The following HADHB variants were observed in gnomAD, a reference collection of about 807,000 sequenced individuals.
HADHB encodes the protein trifunctional enzyme subunit beta, mitochondrial.
HADHB carries 50 observed loss-of-function variants against 61.9 expected under a neutral mutation model. That is an observed-to-expected ratio of 0.81 (90% CI 0.64 to 1.02). The LOEUF is 1.02. Among genes scored for constraint, HADHB ranks in the 50% least tolerant of loss-of-function variants. The probability of loss-of-function intolerance (pLI) is 0.00; values close to 1 mark genes in which losing one functional copy is unlikely to be tolerated. For missense variants in HADHB, 504 were observed against 586.5 expected, an observed-to-expected ratio of 0.86 and a Z score of 1.45; for synonymous variants, 191 against 201.6, an observed-to-expected ratio of 0.95 and a Z score of 0.45.
chr2:26,279,395 C>A, intron 9 of HADHB, 80 bp downstream of exon 9: 1 of 1,003,440 alleles, frequency 1.0e-6, no homozygotes, highest in Non-Finnish European at 1.6e-6. Flanking sequence ...AGTGATTTTT[C>A]CATAAGTATG....
chr2:26,277,722 G>T (rs1672608014), intron 7 of HADHB, among the ~76,000 whole-genome samples: 1 of 152,158 alleles, frequency 6.6e-6, no homozygotes, highest in Admixed American at 6.5e-5. Context: ...CTGCAGCAGG[G>T]ATTATCAACT....
intron 1 of HADHB, among the ~76,000 whole-genome samples, chr2:26,246,724 C>A (rs747339403): frequency 1.4e-4 from 21 of 152,298 alleles, no homozygotes; most frequent in Non-Finnish European, 2.8e-4. Flanking sequence ...TTAGATCACT[C>A]ATTTGGCTCC....
intron 3 of HADHB, among the ~76,000 whole-genome samples, chr2:26,259,853 G>A (rs1671787365): frequency 6.6e-6 from 1 of 152,046 alleles, no homozygotes; most frequent in South Asian, 2.1e-4. Context: ...GTAAGAATTC[G>A]ATGGGCAAAA....
intron 1 of HADHB, among the ~76,000 whole-genome samples, chr2:26,250,265 A>T (rs1558339349): frequency 6.6e-6 from 1 of 152,172 alleles, no homozygotes; most frequent in Non-Finnish European, 1.5e-5. Context: ...GGGCGTCCCA[A>T]AATGCTGGGA....
intron 8 of HADHB, 71 bp downstream of exon 8, chr2:26,278,872 A>G (rs752524069): frequency 6.4e-6 from 8 of 1,240,648 alleles, no homozygotes; most frequent in African/African-American, 1.5e-5. Flanking sequence ...GGACTCTGCT[A>G]TGCTGTAATA....
intron 15 of HADHB, 55 bp downstream of exon 15, chr2:26,285,626 T>C: frequency 2.1e-6 from 3 of 1,453,488 alleles, no homozygotes; most frequent in Non-Finnish European, 2.9e-6. Context: ...TTGGAATGAC[T>C]AGAATGTATG....
chr2:26,288,388 CT>C (rs1293552059), intron 15 of HADHB, among the ~76,000 whole-genome samples: 1 of 152,092 alleles, frequency 6.6e-6, no homozygotes, highest in Non-Finnish European at 1.5e-5. Context: ...TATCCCTGCT[CT>C]TTTTTTGTCT....
At chr2:26,259,655 A>C (rs1231385118) in intron 3 of HADHB, among the ~76,000 whole-genome samples, 1 of 152,216 alleles carries the variant, frequency 6.6e-6, no homozygotes, top group Non-Finnish European at 1.5e-5. Context: ...TCCTACATAT[A>C]ATAATGAATA....
At chr2:26,249,811 G>A (rs1671328077) in intron 1 of HADHB, among the ~76,000 whole-genome samples, 1 of 152,052 alleles carries the variant, frequency 6.6e-6, no homozygotes, top group Non-Finnish European at 1.5e-5. Flanking sequence ...TCAAGGCAAT[G>A]CCGTGCATGG....
Position 26,277,057 on chromosome 2 carries a change from A to C in HADHB, c.355-16A>C. On this transcript the variant is annotated splice_polypyrimidine_tract_variant and intron_variant, in intron 6 of 15. Transcript: ENST00000317799. Reference sequence around the variant, plus strand: ...TTCCCTTATAGTGATCATTTCATTCACTCTATTTCCTAAAGGCTGCCCTTG... The same window carrying C: ...TTCCCTTATAGTGATCATTTCATTCCCTCTATTTCCTAAAGGCTGCCCTTG... 1 of 1,301,808 alleles carries C rather than the reference A, an allele frequency of 7.7e-7. No individual in the cohort carries two copies. The highest frequency in any genetic ancestry group is 1.1e-6 in the Non-Finnish European group (1 of 896,218). 80.6% of individuals were successfully genotyped at this position (1,301,808 alleles called of 1,614,324 possible).
chr2:26,259,276 A>C (rs1416048354), intron 3 of HADHB, among the ~76,000 whole-genome samples: 2 of 152,236 alleles, frequency 1.3e-5, no homozygotes, highest in Non-Finnish European at 2.9e-5. Context: ...GTGTAAGAGC[A>C]GCTAGGGGTC....
intron 3 of HADHB, among the ~76,000 whole-genome samples, chr2:26,256,760 C>T (rs1671629104): frequency 6.6e-6 from 1 of 152,142 alleles, no homozygotes; most frequent in South Asian, 2.1e-4. Flanking sequence ...GATATTTTAG[C>T]TCTCAATTCA....
At chr2:26,277,031 C>A in intron 6 of HADHB, 42 bp from the exon 7 acceptor site, 1 of 949,828 alleles carries the variant, frequency 1.1e-6, no homozygotes, top group Non-Finnish European at 1.7e-6. Flanking sequence ...ACATGATGCC[C>A]TTCCCTTATA....
intron 3 of HADHB, among the ~76,000 whole-genome samples, chr2:26,258,853 A>G (rs191640091): frequency 2.6e-5 from 4 of 151,790 alleles, no homozygotes; most frequent in Admixed American, 1.3e-4. Context: ...TTTTAACCTA[A>G]TTGATATTTT....
Position 26,289,066 on chromosome 2 carries a change from C to T in HADHB, c.1390-852C>T, listed in dbSNP as rs186800218. Among the ~76,000 whole-genome samples the T allele has an allele frequency of 8.2e-3, 1,238 of 151,852 alleles. 8 individuals carry two copies. Among genetic ancestry groups the T allele is most frequent in the Non-Finnish European group, 0.012 (800 of 67,944 alleles). ...GATATCGAGACCATCCTGGCTAACA[C>T]GGTGAAACCCCATCTCTACTAAAAA... On this transcript the variant is annotated intron_variant, in intron 15 of 15. Coordinates refer to ENST00000317799, the MANE Select transcript of HADHB (RefSeq NM_000183.3).
chr2:26,286,706 G>T (rs1051698101), intron 15 of HADHB, among the ~76,000 whole-genome samples: 1 of 150,612 alleles, frequency 6.6e-6, no homozygotes, highest in African/African-American at 2.4e-5. Flanking sequence ...GGGTTTCACC[G>T]TATTGGCCAG....
intron 10 of HADHB, 66 bp downstream of exon 10, chr2:26,280,181 C>T (rs968467203): frequency 7.7e-7 from 1 of 1,296,104 alleles, no homozygotes; most frequent in African/African-American, 1.5e-5. Context: ...GTAGAAAAGC[C>T]TAATATAACT....
chr2:26,284,487 G>C (rs1373134462), intron 13 of HADHB, among the ~76,000 whole-genome samples: 1 of 148,570 alleles, frequency 6.7e-6, no homozygotes, highest in Non-Finnish European at 1.5e-5. Context: ...TTTGGAGACA[G>C]AGTCTTGCTC....
At chr2:26,262,235 T>C (rs1278225213) in intron 3 of HADHB, among the ~76,000 whole-genome samples, 1 of 152,252 alleles carries the variant, frequency 6.6e-6, no homozygotes, top group East Asian at 1.9e-4. Context: ...GATTTTTTTC[T>C]ATCTTTGATA....
Sources: gnomAD v4.1 joint callset for allele counts (sites outside exome capture counted in the v4.1 genomes callset) on GRCh38, gnomAD v4.1.1 for gene constraint, MANE v1.5 for transcripts, NCBI Gene and HGNC (gene_info 2026-07-23, HGNC 2026-07-21) for gene names.